The following NCOA1 variants were observed in gnomAD, a reference collection of about 807,000 sequenced individuals.
NCOA1 encodes the protein nuclear receptor coactivator 1.
NCOA1 carries 35 observed loss-of-function variants against 150.9 expected under a neutral mutation model. The observed-to-expected ratio is 0.23, with a 90% CI of 0.18 to 0.31. The LOEUF (loss-of-function observed/expected upper bound fraction) is 0.31, where lower values mean the gene tolerates loss of function less well. NCOA1 is among the 10% of genes least tolerant of loss of function. The probability of loss-of-function intolerance (pLI) is 1.00; values close to 1 mark genes in which losing one functional copy is unlikely to be tolerated. For missense variants in NCOA1, 1,491 were observed against 1,749.3 expected (o/e 0.85, Z 2.63); for synonymous variants, 590 against 630.0 (o/e 0.94, Z 0.95).
chr2:24,575,441 G>C (rs1558805682), intron 2 of NCOA1, among the ~76,000 whole-genome samples: 1 of 151,912 alleles, frequency 6.6e-6, no homozygotes, highest in African/African-American at 2.4e-5. Context: ...TGTCAGTTCT[G>C]GGTCTGTTTT....
At chr2:24,763,403 G>T (rs559973934) in intron 22 of NCOA1, among the ~76,000 whole-genome samples, 1 of 151,498 alleles carries the variant, frequency 6.6e-6, no homozygotes, top group Non-Finnish European at 1.5e-5. Context: ...GCCGGGTGAG[G>T]TGGCGGGTGC....
At chr2:24,686,658 G>A (rs55992825) in intron 8 of NCOA1, among the ~76,000 whole-genome samples, 4,104 of 152,192 alleles carry the variant, frequency 0.027, 60 homozygotes, top group African/African-American at 0.039. Flanking sequence ...ATGTAGCTCA[G>A]TGCCTACTGT....
intron 3 of NCOA1, among the ~76,000 whole-genome samples, chr2:24,599,672 A>G (rs1668026197): frequency 6.6e-6 from 1 of 151,304 alleles, no homozygotes; most frequent in African/African-American, 2.4e-5. Context: ...TTAATTTGGA[A>G]TATCTTGTAA....
intron 1 of NCOA1, among the ~76,000 whole-genome samples, chr2:24,516,984 G>GGA (rs1664219659): frequency 2.1e-5 from 1 of 48,536 alleles, no homozygotes; most frequent in African/African-American, 4.3e-5. Context: ...ACACATATAC[G>GGA]TATATATATA....
chr2:24,565,465 T>C (rs1666458162), intron 2 of NCOA1, among the ~76,000 whole-genome samples: 1 of 152,252 alleles, frequency 6.6e-6, no homozygotes, highest in African/African-American at 2.4e-5. Context: ...GTATCACTTA[T>C]TACTAGGATT....
chr2:24,702,583 T>C (rs1172693437), intron 11 of NCOA1, among the ~76,000 whole-genome samples: 1 of 152,164 alleles, frequency 6.6e-6, no homozygotes, highest in Non-Finnish European at 1.5e-5. Flanking sequence ...TTGAGGCCTA[T>C]TCTAGGGATA....
rs1665250036 is a variant in NCOA1 at position 24,770,084 on chromosome 2, T to C, written c.*1693T>C. 1 of 229,830 alleles carries C rather than the reference T, an allele frequency of 4.4e-6. No homozygotes were observed. Among genetic ancestry groups the C allele is most frequent in the Non-Finnish European group, 8.6e-6 (1 of 115,798 alleles). The allele number at this position is 229,830 out of a possible 1,614,324, so 14.2% of individuals were successfully genotyped here. A position where few individuals can be genotyped will look rare whatever the true frequency, so the allele number is the denominator to read the frequency against. ...AAACTATGCCGAATAAAAAGATTGGTGGAAGGGCTCATGTGGTTAGCAACT... is the reference window on the plus strand; with the variant it reads ...AAACTATGCCGAATAAAAAGATTGGCGGAAGGGCTCATGTGGTTAGCAACT... On this transcript the variant is annotated 3_prime_UTR_variant, in exon 23 of 23. Transcript: ENST00000348332.
intron 7 of NCOA1, among the ~76,000 whole-genome samples, chr2:24,680,019 A>G (rs1036984871): frequency 3.9e-5 from 6 of 152,128 alleles, no homozygotes; most frequent in Admixed American, 3.3e-4. Flanking sequence ...ATTTATTTTA[A>G]TATTTGGTTT....
intron 22 of NCOA1, among the ~76,000 whole-genome samples, chr2:24,765,311 G>A (rs1396849770): frequency 1.3e-5 from 2 of 150,716 alleles, no homozygotes; most frequent in Non-Finnish European, 3.0e-5. Flanking sequence ...AGACCATCCT[G>A]GCTAACACGG....
chr2:24,524,700 C>T (rs1023075340), intron 1 of NCOA1, among the ~76,000 whole-genome samples: 19 of 152,190 alleles, frequency 1.2e-4, no homozygotes, highest in African/African-American at 4.1e-4. Flanking sequence ...CTCCACCTCC[C>T]GGGTTCAAGT....
rs181343562 is a variant in NCOA1 at position 24,693,720 on chromosome 2, G to A, written c.808+373G>A. ...GGTAGTTTTACTATTATGCTTAAAC[G>A]TATCTGGCTATTTTTTTTTTTAATT... On this transcript the variant is annotated intron_variant, in intron 10 of 22. Transcript: ENST00000348332. 7.8e-3 allele frequency among the ~76,000 whole-genome samples: 1,132 copies of A among 144,624 alleles called. 13 individuals carry two copies. The highest frequency in any genetic ancestry group is 0.026 in the African/African-American group (1,056 of 40,506). The allele number at this position is 144,624 out of a possible 152,430, so 94.9% of individuals were successfully genotyped here. A position where few individuals can be genotyped will look rare whatever the true frequency, so the allele number is the denominator to read the frequency against.
chr2:24,675,793 G>A (rs1397700351), intron 7 of NCOA1, among the ~76,000 whole-genome samples: 1 of 152,162 alleles, frequency 6.6e-6, no homozygotes, highest in Admixed American at 6.6e-5. Flanking sequence ...GCTGAGGCAG[G>A]AGAATCACGT....
chr2:24,724,183 T>C (rs1250200914), intron 14 of NCOA1, among the ~76,000 whole-genome samples: 1 of 152,200 alleles, frequency 6.6e-6, no homozygotes, highest in Admixed American at 6.5e-5. Context: ...TTTGCAAAGA[T>C]GATAACGAAT....
rs1558797114 is a variant in NCOA1 at position 24,563,706 on chromosome 2, C to T, written c.-395-589C>T. Among the ~76,000 whole-genome samples, 5 of 152,052 alleles carry T rather than the reference C, an allele frequency of 3.3e-5. No homozygotes were observed. In the South Asian group the frequency reaches 8.3e-4, roughly 25 times the overall value. The stretch of plus-strand genomic sequence containing the variant: ...CTAATTTTTGTAATTTTTGTAGAAA[C>T]AGAGTTTTGTCATGTTGCCCAGGCT... On this transcript the variant is annotated intron_variant, in intron 1 of 22. Transcript: ENST00000348332.
chr2:24,542,175 A>T (rs1238399239), intron 1 of NCOA1, among the ~76,000 whole-genome samples: 6 of 152,342 alleles, frequency 3.9e-5, no homozygotes, highest in Admixed American at 3.9e-4. Flanking sequence ...GGGTGTTCTA[A>T]AAGAACAGAG....
chr2:24,762,511 C>T lies in NCOA1; in HGVS notation c.4066-176C>T, dbSNP rs138881291. Among the ~76,000 whole-genome samples the T allele has an allele frequency of 8.5e-4, 129 of 152,354 alleles. 1 individual carries two copies. The highest frequency in any genetic ancestry group is 2.8e-3 in the African/African-American group (116 of 41,574). On this transcript the variant is annotated intron_variant, in intron 21 of 22. Transcript: ENST00000348332. ...TCTCCTTGTGTCCCTTACACACTCA[C>T]TACCCCACAAGGGGAATGACTATCC...
intron 1 of NCOA1, among the ~76,000 whole-genome samples, chr2:24,507,240 T>C (rs1260439992): frequency 6.6e-6 from 1 of 152,178 alleles, no homozygotes; most frequent in East Asian, 1.9e-4. Context: ...TTTCCTAAGC[T>C]TGAATTCTGG....
At chr2:24,761,852 T>C (rs1664807488) in intron 21 of NCOA1, among the ~76,000 whole-genome samples, 1 of 152,258 alleles carries the variant, frequency 6.6e-6, no homozygotes, top group Admixed American at 6.5e-5. Flanking sequence ...ATATGCTACA[T>C]GATACTACAT....
At chr2:24,608,072 T>C (rs965155230) in intron 3 of NCOA1, among the ~76,000 whole-genome samples, 1 of 151,968 alleles carries the variant, frequency 6.6e-6, no homozygotes, top group African/African-American at 2.4e-5. Context: ...ACTCATAGTT[T>C]TAGAGAAGAT....
Sources: allele counts gnomAD v4.1 joint callset (sites outside exome capture counted in the v4.1 genomes callset), GRCh38; gene constraint gnomAD v4.1.1; transcripts MANE v1.5; gene names NCBI Gene and HGNC (gene_info 2026-07-23, HGNC 2026-07-21).